CCDC171: variants seen among roughly 807,000 people sequenced by gnomAD.
CCDC171 encodes the protein coiled-coil domain containing 171.
CCDC171 carries 177 observed loss-of-function variants against 168.2 expected under a neutral mutation model. That is an observed-to-expected ratio of 1.05 (90% CI 0.93 to 1.19). The LOEUF is 1.19. CCDC171 is among the 50% of genes most tolerant of loss of function. The pLI, the probability that CCDC171 is intolerant of heterozygous loss-of-function variation, is 0.00. For missense variants in CCDC171, 1,991 were observed against 1,539.0 expected (o/e 1.29, Z -4.91); for synonymous variants, 687 against 540.8 (o/e 1.27, Z -3.75).
rs560647589 is a variant in CCDC171, at chr9:15,735,056, A to G, written c.2049+5258A>G. Among the ~76,000 whole-genome samples the G allele has an allele frequency of 2.0e-5, 3 of 152,356 alleles. No individual in the cohort carries two copies. In the South Asian group the frequency reaches 6.2e-4, roughly 32 times the overall value. On this transcript the variant is annotated intron_variant, in intron 16 of 25. Transcript: ENST00000380701. ...TTGCTTTTATCTGAAAAAATGTAGT[A>G]GATGTTAGAAAAGTAGTGTTTGTAA... is the stretch of plus-strand genomic sequence containing the variant.
the CCDC171 span, among the ~76,000 whole-genome samples, chr9:16,079,686 C>T: frequency 4.6e-5 from 7 of 152,166 alleles, no homozygotes; most frequent in African/African-American, 7.2e-5. Context: ...AACTGTGAGA[C>T]GATAATTCTA....
chr9:16,049,280 G>A (rs1394434549), intron 1 of CCDC171, among the ~76,000 whole-genome samples: 1 of 152,190 alleles, frequency 6.6e-6, no homozygotes, highest in Admixed American at 6.5e-5. Flanking sequence ...GTGCCAAGTG[G>A]ATGAGGGGTA....
chr9:15,906,113 A>G (rs1004485994), intron 24 of CCDC171, among the ~76,000 whole-genome samples: 2 of 152,230 alleles, frequency 1.3e-5, no homozygotes, highest in African/African-American at 4.8e-5. Flanking sequence ...AGCTGTTACC[A>G]TTCCTTCTGA....
intron 23 of CCDC171, among the ~76,000 whole-genome samples, chr9:15,870,599 G>A (rs1473195335): frequency 1.3e-5 from 2 of 151,596 alleles, no homozygotes; most frequent in African/African-American, 4.8e-5. Flanking sequence ...TATATACCTT[G>A]AGGTCTTCTG....
intron 11 of CCDC171, among the ~76,000 whole-genome samples, chr9:15,720,082 C>T (rs1222448504): frequency 5.3e-5 from 8 of 151,906 alleles, no homozygotes; most frequent in Non-Finnish European, 1.0e-4. Context: ...GTTAAATGTT[C>T]CTCTTCTGTT....
At chr9:15,850,407 C>T (rs1051173678) in intron 23 of CCDC171, 4 of 151,852 alleles carry the variant, frequency 2.6e-5, no homozygotes, top group Non-Finnish European at 4.4e-5. Flanking sequence ...TATAATCATA[C>T]AGTTCTTCAG....
chr9:15,695,884 A>G (rs954664), intron 11 of CCDC171, among the ~76,000 whole-genome samples: 2 of 151,966 alleles, frequency 1.3e-5, no homozygotes, highest in Non-Finnish European at 1.5e-5. Context: ...TCATATGATA[A>G]AGAGCTATAA....
At chr9:15,639,417 A>C (rs936289476) in intron 7 of CCDC171, among the ~76,000 whole-genome samples, 7 of 152,096 alleles carry the variant, frequency 4.6e-5, no homozygotes, top group African/African-American at 1.7e-4. Flanking sequence ...AAAGAAGGTA[A>C]ATCAGTTTAT....
At chr9:15,946,235 T>C (rs1222686724) in intron 25 of CCDC171, among the ~76,000 whole-genome samples, 2 of 152,016 alleles carry the variant, frequency 1.3e-5, no homozygotes, top group African/African-American at 4.8e-5. Context: ...GTTCCATTGA[T>C]CTATATCTCA....
At chr9:16,038,052 A>C (rs1833505567), upstream of CCDC171, among the ~76,000 whole-genome samples, 1 of 152,170 alleles carries the variant, frequency 6.6e-6, no homozygotes, top group Non-Finnish European at 1.5e-5. Context: ...TAAAGCAATG[A>C]AGATTTTTTT....
At chr9:16,103,882 G>A in the CCDC171 span, among the ~76,000 whole-genome samples, 2 of 152,178 alleles carry the variant, frequency 1.3e-5, no homozygotes, top group Admixed American at 1.3e-4. Flanking sequence ...GTTCAAAACT[G>A]GAGGTCGTCC....
At chr9:15,609,876 T>A (rs901348058) in intron 6 of CCDC171, among the ~76,000 whole-genome samples, 1 of 152,174 alleles carries the variant, frequency 6.6e-6, no homozygotes, top group Non-Finnish European at 1.5e-5. Context: ...TCAAGAGACC[T>A]TCCTGTAATT....
intron 11 of CCDC171, among the ~76,000 whole-genome samples, chr9:15,705,720 A>G (rs11793900): frequency 1.3e-5 from 2 of 151,970 alleles, no homozygotes; most frequent in East Asian, 1.9e-4. Flanking sequence ...CATTTCTATC[A>G]TAGTATATGG....
At position 15,580,265 on chromosome 9, in the gene CCDC171, G is replaced by T. The variant is rs1346173819; in HGVS notation, c.352+1242G>T. 2.0e-5 allele frequency among the ~76,000 whole-genome samples: 3 copies of T among 152,098 alleles called. No individual in the cohort carries two copies. The East Asian group carries it at 5.8e-4, about 29-fold the overall frequency. ...AAGTCCTGAAACCATAAAAATTCTA[G>T]AAGATAACATTGGAAAAACTATTCT... On this transcript the variant is annotated intron_variant, in intron 4 of 25. Transcript: ENST00000380701.
chr9:15,565,456 C>A (rs2039656368), intron 2 of CCDC171, among the ~76,000 whole-genome samples: 4 of 152,166 alleles, frequency 2.6e-5, no homozygotes, highest in Admixed American at 2.6e-4. Context: ...GTAGCTGGAA[C>A]TGTAGGCACG....
intron 6 of CCDC171, among the ~76,000 whole-genome samples, chr9:16,030,163 G>A (rs1277088328): frequency 6.6e-6 from 1 of 152,040 alleles, no homozygotes; most frequent in African/African-American, 2.4e-5. Context: ...CATCACCTTG[G>A]TGATTTGGTA....
At chr9:16,069,236 G>A in the CCDC171 span, among the ~76,000 whole-genome samples, 1 of 152,222 alleles carries the variant, frequency 6.6e-6, no homozygotes, top group Non-Finnish European at 1.5e-5. Flanking sequence ...AGCTCTGAGT[G>A]GCTTGGTATA....
intron 11 of CCDC171, among the ~76,000 whole-genome samples, chr9:15,708,264 A>G (rs1054900944): frequency 6.6e-6 from 1 of 152,270 alleles, no homozygotes; most frequent in Non-Finnish European, 1.5e-5. Context: ...ACACTTTCAT[A>G]CTAATGATTG....
At chr9:15,756,989 A>G (rs2056161683) in intron 18 of CCDC171, among the ~76,000 whole-genome samples, 1 of 152,182 alleles carries the variant, frequency 6.6e-6, no homozygotes, top group East Asian at 1.9e-4. Flanking sequence ...TCTTTTGTAA[A>G]TTGCTCAGTC....
Sources: allele counts gnomAD v4.1 joint callset (sites outside exome capture counted in the v4.1 genomes callset), GRCh38; gene constraint gnomAD v4.1.1; transcripts MANE v1.5; gene names NCBI Gene and HGNC (gene_info 2026-07-23, HGNC 2026-07-21).